DRD3: variants seen among roughly 807,000 people sequenced by gnomAD.
DRD3 encodes D(3) dopamine receptor.
Under a neutral mutation model 36.3 loss-of-function variants are expected in DRD3, and 19 were observed. That is an observed-to-expected ratio of 0.52 (90% CI 0.36 to 0.77). The LOEUF (loss-of-function observed/expected upper bound fraction) is 0.77. DRD3 is among the 30% of genes least tolerant of loss of function. The probability of loss-of-function intolerance (pLI) is 0.00; values close to 1 mark genes in which losing one functional copy is unlikely to be tolerated. For synonymous variants in DRD3, 195 were observed against 203.7 expected (o/e 0.96, Z 0.36); for missense variants, 465 against 505.3 (o/e 0.92, Z 0.77).
At chr3:114,197,118 C>G (rs1242278481) in intron 1 of DRD3, among the ~76,000 whole-genome samples, 4 of 140,910 alleles carry the variant, frequency 2.8e-5, no homozygotes, top group Non-Finnish European at 6.2e-5. Flanking sequence ...TTACTTTTTC[C>G]TTTTTTTTTT....
chr3:114,196,124 T>C (rs1242035119), intron 1 of DRD3, among the ~76,000 whole-genome samples: 1 of 152,198 alleles, frequency 6.6e-6, no homozygotes, highest in Non-Finnish European at 1.5e-5. Context: ...CTGTTTTTGT[T>C]GTTCACTTGG....
At chr3:114,162,241 C>T (rs952232260) in intron 2 of DRD3, among the ~76,000 whole-genome samples, 1 of 152,198 alleles carries the variant, frequency 6.6e-6, no homozygotes, top group African/African-American at 2.4e-5. Context: ...ATTGAGAATT[C>T]ACTGTACATG....
At chr3:114,161,714 T>A (rs2077734821) in intron 2 of DRD3, among the ~76,000 whole-genome samples, 1 of 152,182 alleles carries the variant, frequency 6.6e-6, no homozygotes, top group Non-Finnish European at 1.5e-5. Context: ...TTTAAAAGAT[T>A]GAGACATAAG....
At chr3:114,182,453 G>C (rs1228098944), upstream of DRD3, among the ~76,000 whole-genome samples, 1 of 151,920 alleles carries the variant, frequency 6.6e-6, no homozygotes. Flanking sequence ...CAGAGTAATA[G>C]TAAGGAAGGA....
At chr3:114,180,545 C>A (rs1407505596), upstream of DRD3, among the ~76,000 whole-genome samples, 1 of 152,082 alleles carries the variant, frequency 6.6e-6, no homozygotes, top group Non-Finnish European at 1.5e-5. Context: ...CAGGAGAAAC[C>A]AAACCTGCCA....
chr3:114,155,964 C>A (rs1162943095), intron 3 of DRD3, among the ~76,000 whole-genome samples: 1 of 152,166 alleles, frequency 6.6e-6, no homozygotes, highest in Non-Finnish European at 1.5e-5. Context: ...CCAATAATAT[C>A]ATCCATCCAT....
chr3:114,139,401 C>T (rs776554125), intron 5 of DRD3, 99 bp downstream of exon 5: 2 of 1,214,966 alleles, frequency 1.6e-6, no homozygotes, highest in Non-Finnish European at 2.3e-6. Context: ...ATTTGTGTCT[C>T]CAATTTAGCT....
At chr3:114,190,413 T>C (rs1478301654) in intron 1 of DRD3, among the ~76,000 whole-genome samples, 186 of 3,412 alleles carry the variant, frequency 0.055, no homozygotes, top group Non-Finnish European at 0.088. Flanking sequence ...AAAAGGATAA[T>C]ATATATATAT....
chr3:114,147,347 A>G lies in DRD3; in HGVS notation c.526+68T>C, dbSNP rs1303130565. 3 of 1,572,448 alleles carry G rather than the reference A, an allele frequency of 1.9e-6. No homozygotes were observed. The African/African-American group carries it at 4.0e-5, about 21-fold the overall frequency. ...GTCAGAAATTGCAGGGCTGAGCACA[A>G]CTCACAGCCAGTCATTCAGCTGTGC... is the stretch of plus-strand genomic sequence containing the variant. On this transcript the variant is annotated intron_variant, in intron 4 of 6. Transcript: ENST00000383673.
At chr3:114,141,101 G>C (rs1157957491) in intron 4 of DRD3, among the ~76,000 whole-genome samples, 1 of 152,100 alleles carries the variant, frequency 6.6e-6, no homozygotes, top group Non-Finnish European at 1.5e-5. Context: ...GCTCGATCTC[G>C]GCTCACCGCA....
chr3:114,151,406 TA>T (rs941630249), intron 3 of DRD3, among the ~76,000 whole-genome samples: 2 of 152,186 alleles, frequency 1.3e-5, no homozygotes, highest in African/African-American at 4.8e-5. Context: ...GGTAAATGGC[TA>T]ACAACAGGCT....
intron 2 of DRD3, among the ~76,000 whole-genome samples, chr3:114,164,082 G>A (rs1194033320): frequency 4.1e-5 from 4 of 96,570 alleles, no homozygotes; most frequent in African/African-American, 1.5e-4. Flanking sequence ...TTAGCTGGGT[G>A]TGGTGGTGGG....
chr3:114,175,640 A>T (rs1310098864), intron 1 of DRD3, among the ~76,000 whole-genome samples: 1 of 152,220 alleles, frequency 6.6e-6, no homozygotes, highest in East Asian at 1.9e-4. Context: ...CTAAGATCAG[A>T]TGTGGAAAAA....
intron 4 of DRD3, among the ~76,000 whole-genome samples, chr3:114,143,889 AT>A (rs1474480344): frequency 2.0e-5 from 3 of 152,302 alleles, no homozygotes; most frequent in Middle Eastern, 3.4e-3. Context: ...TTCATTCTAG[AT>A]TTTTAAAAAT....
At chr3:114,166,805 C>A (rs10934256) in intron 2 of DRD3, among the ~76,000 whole-genome samples, 28,158 of 152,070 alleles carry the variant, frequency 0.19, 2,825 homozygotes, top group Admixed American at 0.28. Context: ...TAGAATATGG[C>A]CAGGAATTTC....
chr3:114,156,769 T>TCTTTCTTTCTTTCTTTCTTTC (rs2077677255), intron 3 of DRD3, among the ~76,000 whole-genome samples: 6 of 122,072 alleles, frequency 4.9e-5, no homozygotes, highest in South Asian at 2.6e-4. Context: ...CTTTCTTTCT[T>TCTTTCTTTCTTTCTTTCTTTC]TCTTTCTTTC....
upstream of DRD3, among the ~76,000 whole-genome samples, chr3:114,179,690 T>C (rs1385822728): frequency 6.6e-6 from 1 of 152,138 alleles, no homozygotes. Flanking sequence ...CTCTTTTTTT[T>C]CTCCTCTGTT....
intron 5 of DRD3, among the ~76,000 whole-genome samples, chr3:114,137,544 G>A (rs2077484742): frequency 6.6e-6 from 1 of 152,108 alleles, no homozygotes; most frequent in Non-Finnish European, 1.5e-5. Context: ...GACCTTAACA[G>A]GTCATCAGAG....
At chr3:114,198,373 G>T (rs1213005345) in intron 1 of DRD3, among the ~76,000 whole-genome samples, 1 of 152,042 alleles carries the variant, frequency 6.6e-6, no homozygotes, top group African/African-American at 2.4e-5. Flanking sequence ...CTGAGGTCAA[G>T]CTATCTGCCC....
Sources: allele counts gnomAD v4.1 joint callset (sites outside exome capture counted in the v4.1 genomes callset), GRCh38; gene constraint gnomAD v4.1.1; transcripts MANE v1.5; gene names NCBI Gene and HGNC (gene_info 2026-07-23, HGNC 2026-07-21).